ABCA1: variants seen among roughly 807,000 people sequenced by gnomAD.
ABCA1 encodes ATP binding cassette subfamily A member 1.
In ABCA1, 133 loss-of-function variants were observed where a neutral mutation model predicts 262.5. That is an observed-to-expected ratio of 0.51 (90% CI 0.44 to 0.59). The LOEUF is 0.59. Among genes scored for constraint, ABCA1 ranks in the 20% least tolerant of loss-of-function variants. The pLI is 0.00. For synonymous variants in ABCA1, 1,022 were observed against 1,043.5 expected (o/e 0.98, Z 0.40); for missense variants, 2,452 against 2,777.5 (o/e 0.88, Z 2.63).
intron 16 of ABCA1, among the ~76,000 whole-genome samples, chr9:104,826,707 G>A (rs918683215): frequency 2.0e-5 from 3 of 152,206 alleles, no homozygotes; most frequent in Non-Finnish European, 2.9e-5. Flanking sequence ...ATGCAGTCTG[G>A]CTCTCGGAAA....
At chr9:104,900,194 C>A (rs902384110) in intron 2 of ABCA1, among the ~76,000 whole-genome samples, 1 of 152,096 alleles carries the variant, frequency 6.6e-6, no homozygotes, top group African/African-American at 2.4e-5. Context: ...CTGAACATAG[C>A]GTTTCTAGTC....
intron 42 of ABCA1, 105 bp from the exon 43 acceptor site, chr9:104,792,103 C>T: frequency 9.8e-7 from 1 of 1,020,276 alleles, no homozygotes; most frequent in East Asian, 2.6e-5. Flanking sequence ...CAACATAAGA[C>T]TTGTCAATAA....
At chr9:104,799,772 C>A (rs1830182874) in intron 36 of ABCA1, 47 bp downstream of exon 36, 1 of 1,614,072 alleles carries the variant, frequency 6.2e-7, no homozygotes, top group Non-Finnish European at 8.5e-7. Context: ...TTCTCCATAA[C>A]CCTCTCCCTT....
chr9:104,839,946 G>A (rs1419792494), intron 9 of ABCA1, among the ~76,000 whole-genome samples: 2 of 152,208 alleles, frequency 1.3e-5, no homozygotes, highest in Admixed American at 1.3e-4. Flanking sequence ...GTGAGATCTT[G>A]CAGGATTTGT....
intron 16 of ABCA1, among the ~76,000 whole-genome samples, chr9:104,826,204 C>T (rs573924131): frequency 5.9e-5 from 9 of 152,320 alleles, no homozygotes; most frequent in African/African-American, 1.9e-4. Context: ...CACACACATG[C>T]GCATACCCAC....
rs150642327 is a variant in ABCA1, at chr9:104,853,753, T to C, written c.720+4769A>G. On this transcript the variant is annotated intron_variant, in intron 7 of 49. Coordinates refer to ENST00000374736, the MANE Select transcript of ABCA1 (RefSeq NM_005502.4). The stretch of plus-strand genomic sequence containing the variant: ...ATGCTTATTATGCTTTAGAGTCACT[T>C]TCCAAATATGGGCAAGAAAAAGCAG... Among the ~76,000 whole-genome samples, 93 of 152,314 alleles carry C rather than the reference T, an allele frequency of 6.1e-4. 1 individual carries two copies. In the East Asian group the frequency reaches 0.015, roughly 25 times the overall value.
chr9:104,814,177 C>G lies in ABCA1; in HGVS notation c.3842G>C (p.Cys1281Ser). 1.2e-6 allele frequency: 2 copies of G among 1,614,278 alleles called. No homozygotes were observed. Among genetic ancestry groups the G allele is most frequent in the Non-Finnish European group, 1.7e-6 (2 of 1,180,056 alleles). ...NRRAFGDKQSCLRPFTEDDAA... is the reference protein window; with the variant it reads ...NRRAFGDKQSSLRPFTEDDAA... Reference sequence around the variant, plus strand: ...ATCATCTTCAGTGAACGGGCGAAGACAGCTCTGCTTGTCCCCGAAGGCCCG... The same window carrying G: ...ATCATCTTCAGTGAACGGGCGAAGAGAGCTCTGCTTGTCCCCGAAGGCCCG... Residue 1281 changes from cysteine (C) to serine (S), a missense_variant, in exon 27 of 50, where the codon TGT (cysteine) becomes TCT (serine). By Grantham distance (112) the Cys-to-Ser change is moderately radical. This residue lies in a region of ABCA1 where 665 missense variants were observed against 727.3 expected (regional missense o/e 0.91). Coordinates refer to ENST00000374736, the MANE Select transcript of ABCA1 (RefSeq NM_005502.4).
At chr9:104,847,244 C>T (rs1834972160) in intron 7 of ABCA1, among the ~76,000 whole-genome samples, 3 of 152,196 alleles carry the variant, frequency 2.0e-5, no homozygotes. Context: ...TCCCCCGCCA[C>T]CCTGTGCCCC....
intron 3 of ABCA1, among the ~76,000 whole-genome samples, chr9:104,888,474 A>T (rs1839413500): frequency 1.3e-5 from 2 of 152,222 alleles, no homozygotes; most frequent in Admixed American, 1.3e-4. Context: ...TTCTCTGTTT[A>T]AAAGAAACTT....
rs1831997535 is a variant in ABCA1 at position 104,818,664 on chromosome 9, T to C, written c.3461A>G (p.Lys1154Arg). ...NSSSTVSYLK[K>R]EDSVSQSSSD... is the part of the protein sequence containing the mutation. ...CCCAGCACCAAGACTGCAGCTCACC[T>C]TTTTCAGGTATGACACAGTGCTACT... Residue 1154 changes from lysine to arginine, a missense_variant and splice_region_variant, in exon 23 of 50, where the codon AAG (lysine) becomes AGG (arginine). Around this residue, in one of 4 missense-constraint regions of ABCA1, gnomAD observed 665 missense variants for 727.3 expected, o/e 0.91. Coordinates refer to ENST00000374736, the MANE Select transcript of ABCA1 (RefSeq NM_005502.4). 1 of 1,612,252 alleles carries C rather than the reference T, an allele frequency of 6.2e-7. No homozygotes were observed. Among genetic ancestry groups the C allele is most frequent in the Non-Finnish European group, 8.5e-7 (1 of 1,179,496 alleles).
intron 8 of ABCA1, 68 bp downstream of exon 8, chr9:104,845,409 A>G (rs1011921425): frequency 2.6e-6 from 3 of 1,148,802 alleles, no homozygotes; most frequent in Non-Finnish European, 1.3e-6. Context: ...ACCTCTTGCC[A>G]GACTCAGGAA....
chr9:104,892,530 C>T (rs1408147023), intron 2 of ABCA1, among the ~76,000 whole-genome samples: 1 of 152,112 alleles, frequency 6.6e-6, no homozygotes, highest in Non-Finnish European at 1.5e-5. Context: ...TCAATTTCCC[C>T]AGGTACTTTG....
chr9:104,812,289 T>C (rs1041688903), intron 28 of ABCA1, among the ~76,000 whole-genome samples: 10 of 152,230 alleles, frequency 6.6e-5, no homozygotes, highest in African/African-American at 2.4e-4. Context: ...AAGCACTTAC[T>C]AATGTCAGGC....
chr9:104,825,975 T>C, intron 16 of ABCA1, 88 bp from the exon 17 acceptor site: 1 of 1,395,284 alleles, frequency 7.2e-7, no homozygotes. Flanking sequence ...CTGGAGAAAT[T>C]TGAATTTGCA....
At chr9:104,911,921 C>G (rs1841521374) in intron 1 of ABCA1, among the ~76,000 whole-genome samples, 1 of 152,210 alleles carries the variant, frequency 6.6e-6, no homozygotes, top group African/African-American at 2.4e-5. Flanking sequence ...GTTCTGCTAT[C>G]ACACTGTCCG....
At chr9:104,854,458 T>C (rs1835660083) in intron 7 of ABCA1, among the ~76,000 whole-genome samples, 1 of 145,194 alleles carries the variant, frequency 6.9e-6, no homozygotes, top group African/African-American at 2.5e-5. Flanking sequence ...ATAGTAGCAA[T>C]AAAAAAAAAA....
chr9:104,903,784 GC>G lies in ABCA1; in HGVS notation c.-92-14del. Reference sequence around the variant, plus strand: ...GGCTGGTCATTAACTGAAAGATAAAGCAGGAGGGGAAACAGCCATCAGTTAT... The same window carrying G: ...GGCTGGTCATTAACTGAAAGATAAAGAGGAGGGGAAACAGCCATCAGTTAT... On this transcript the variant is annotated splice_polypyrimidine_tract_variant and intron_variant, in intron 1 of 49. Transcript: ENST00000374736. 4.7e-6 allele frequency: 5 copies of G among 1,066,952 alleles called. No homozygotes were observed. Among genetic ancestry groups the G allele is most frequent in the Non-Finnish European group, 7.0e-6 (5 of 714,266 alleles). The allele number at this position is 1,066,952 out of a possible 1,614,324, so 66.1% of individuals were successfully genotyped here.
At chr9:104,874,171 CT>C (rs1209156272) in intron 5 of ABCA1, among the ~76,000 whole-genome samples, 1 of 152,324 alleles carries the variant, frequency 6.6e-6, no homozygotes, top group East Asian at 1.9e-4. Context: ...AGGCATGACC[CT>C]TTTCCCTAAG....
intron 1 of ABCA1, among the ~76,000 whole-genome samples, chr9:104,918,945 G>A (rs1841987136): frequency 6.6e-6 from 1 of 152,102 alleles, no homozygotes. Flanking sequence ...TCCCAACCTG[G>A]CATCCTACAA....
Sources: gnomAD v4.1 joint callset for allele counts (sites outside exome capture counted in the v4.1 genomes callset) on GRCh38, gnomAD v4.1.1 for gene constraint, gnomAD v4.1.1 regional missense constraint, MANE v1.5 for transcripts, NCBI Gene and HGNC (gene_info 2026-07-23, HGNC 2026-07-21) for gene names.